SLC35E3: variants seen among roughly 807,000 people sequenced by gnomAD.
The protein encoded by SLC35E3 is solute carrier family 35 member E3, also known as bladder cancer-overexpressed gene 1 protein.
SLC35E3 carries 28 observed loss-of-function variants against 30.8 expected under a neutral mutation model. That is an observed-to-expected ratio of 0.91 (90% CI 0.67 to 1.25). SLC35E3 has a LOEUF of 1.25. Ranked by LOEUF, SLC35E3 falls within the 50% of genes most tolerant of loss-of-function variation. The pLI is 0.00. For missense variants in SLC35E3, 365 were observed against 375.4 expected, an observed-to-expected ratio of 0.97 and a Z score of 0.23; for synonymous variants, 146 against 149.2, an observed-to-expected ratio of 0.98 and a Z score of 0.16.
chr12:68,751,358 C>T (rs969859273), intron 2 of SLC35E3, among the ~76,000 whole-genome samples: 18 of 150,282 alleles, frequency 1.2e-4, no homozygotes, highest in Admixed American at 6.0e-4. Context: ...AGTGCAGTGG[C>T]GCGATCTCAG....
In SLC35E3 at chr12:68,752,188, T is replaced by G; in HGVS notation, c.670T>G (p.Leu224Val). ...ATTTGGTCCCTGGTCAGTTTCTGCT[T>G]TGGTAAGTTCTAATTGTTTTGATAT... ...GIFGPWSVSA[L>V]LMVLLSGVIA... The change falls in exon 3 of 5, where the codon TTG becomes GTG. Residue 224 changes from leucine (L) to valine (V), a missense_variant and splice_region_variant. Transcript: ENST00000398004. The G allele has an allele frequency of 6.2e-7, 1 of 1,605,574 alleles. No homozygotes were observed. Among genetic ancestry groups the G allele is most frequent in the South Asian group, 1.1e-5 (1 of 89,252 alleles).
intron 4 of SLC35E3, among the ~76,000 whole-genome samples, chr12:68,759,761 A>T (rs187607352): frequency 6.6e-6 from 1 of 152,168 alleles, no homozygotes; most frequent in Admixed American, 6.6e-5. Context: ...TGTGTCATGA[A>T]TGTTTCTGAA....
At chr12:68,755,834 C>T (rs898801137) in intron 3 of SLC35E3, among the ~76,000 whole-genome samples, 6 of 152,196 alleles carry the variant, frequency 3.9e-5, no homozygotes, top group Non-Finnish European at 8.8e-5. Context: ...ACCCAAACAC[C>T]TTCTACTAGG....
In SLC35E3 at chr12:68,772,418, A is replaced by T. The variant is rs1879626185; in HGVS notation, c.*7528A>T. The T allele has an allele frequency of 6.6e-6, 1 of 152,154 alleles. No homozygotes were observed. The highest frequency in any genetic ancestry group is 6.6e-5 in the Admixed American group (1 of 15,258). The allele number at this position is 152,154 out of a possible 1,614,324, so 9.4% of individuals were successfully genotyped here. Reference sequence around the variant, plus strand: ...ATACCATTTTTATAACTTATATGAGACGCATTTAATGTAATCATATTACTT... The same window carrying T: ...ATACCATTTTTATAACTTATATGAGTCGCATTTAATGTAATCATATTACTT... On this transcript the variant is annotated 3_prime_UTR_variant, in exon 5 of 5. Transcript: ENST00000398004.
intron 3 of SLC35E3, among the ~76,000 whole-genome samples, chr12:68,752,606 C>T (rs1482027077): frequency 6.6e-6 from 1 of 152,206 alleles, no homozygotes; most frequent in African/African-American, 2.4e-5. Context: ...CACAGTGGCT[C>T]ACTCCTGTAA....
chr12:68,766,841 T>C lies in SLC35E3; in HGVS notation c.*1951T>C, dbSNP rs1365392649. On this transcript the variant is annotated 3_prime_UTR_variant, in exon 5 of 5. Transcript: ENST00000398004. ...CTCAAGCCATCTGTCTGCCTCAGCC[T>C]CTCGAAGTGCTGGGATTACAGGCCT... 1 of 438,844 alleles carries C rather than the reference T, an allele frequency of 2.3e-6. No individual in the cohort carries two copies. The highest frequency in any genetic ancestry group is 4.6e-6 in the Non-Finnish European group (1 of 218,766). The allele number at this position is 438,844 out of a possible 1,614,324, so 27.2% of individuals were successfully genotyped here.
In SLC35E3 at chr12:68,764,718, G is replaced by A. The variant is rs757836070; in HGVS notation, c.770G>A (p.Gly257Glu). The A allele has an allele frequency of 5.6e-6, 9 of 1,613,544 alleles. No homozygotes were observed. The highest frequency in any genetic ancestry group is 7.6e-6 in the Non-Finnish European group (9 of 1,179,748). ...AAAAACCTCAGCTATAACATGTTCGGACACTTCAAGTTCTGCATTACTTTA... is the reference window on the plus strand; with the variant it reads ...AAAAACCTCAGCTATAACATGTTCGAACACTTCAAGTTCTGCATTACTTTA... ...NTSPVTYNMF[G>E]HFKFCITLFG... is the part of the protein sequence containing the mutation. The change falls in exon 5 of 5, where the codon GGA (glycine) becomes GAA (glutamate). Residue 257 changes from glycine to glutamate, a missense_variant. Transcript: ENST00000398004.
At position 68,767,852 on chromosome 12, in the gene SLC35E3, C is replaced by T. The variant is rs1036176149; in HGVS notation, c.*2962C>T. The T allele has an allele frequency of 5.3e-5, 8 of 152,110 alleles. No homozygotes were observed. Among genetic ancestry groups the T allele is most frequent in the Admixed American group, 1.3e-4 (2 of 15,270 alleles). The allele number at this position is 152,110 out of a possible 1,614,324, so 9.4% of individuals were successfully genotyped here. ...CAATTAGTTTTTACCAGATAAGCCTCGGGTATTATGTTTGTCTAAGAAACA... is the reference window on the plus strand; with the variant it reads ...CAATTAGTTTTTACCAGATAAGCCTTGGGTATTATGTTTGTCTAAGAAACA... On this transcript the variant is annotated 3_prime_UTR_variant, in exon 5 of 5. Transcript: ENST00000398004.
chr12:68,751,721 C>T (rs1029240137), intron 2 of SLC35E3, among the ~76,000 whole-genome samples: 1 of 152,054 alleles, frequency 6.6e-6, no homozygotes, highest in Non-Finnish European at 1.5e-5. Context: ...CCTTGTAGGC[C>T]CTTATATGCA....
At chr12:68,756,991 G>A (rs1490019567) in intron 3 of SLC35E3, among the ~76,000 whole-genome samples, 2 of 152,190 alleles carry the variant, frequency 1.3e-5, no homozygotes, top group Non-Finnish European at 2.9e-5. Context: ...CTCCAGCCTG[G>A]GCGACAGAGT....
In SLC35E3 at chr12:68,772,619, T is replaced by G. The variant is rs951314448; in HGVS notation, c.*7729T>G. 6.6e-6 allele frequency: 1 copy of G among 152,210 alleles called. No individual in the cohort carries two copies. The highest frequency in any genetic ancestry group is 1.5e-5 in the Non-Finnish European group (1 of 68,042). The allele number at this position is 152,210 out of a possible 1,614,324, so 9.4% of individuals were successfully genotyped here. ...CAGCATATCACTCAAACTATAGTAA[T>G]TCACATTTTTCCATTTAACTAAAAA... On this transcript the variant is annotated 3_prime_UTR_variant, in exon 5 of 5. Coordinates refer to ENST00000398004, the MANE Select transcript of SLC35E3 (RefSeq NM_018656.5).
intron 4 of SLC35E3, among the ~76,000 whole-genome samples, chr12:68,763,514 C>T (rs1259948216): frequency 4.6e-5 from 7 of 151,918 alleles, no homozygotes; most frequent in African/African-American, 1.5e-4. Flanking sequence ...CTCAGCCTCC[C>T]GAGTAGCCGG....
At chr12:68,754,465 T>C (rs1204443271) in intron 3 of SLC35E3, among the ~76,000 whole-genome samples, 1 of 151,948 alleles carries the variant, frequency 6.6e-6, no homozygotes, top group African/African-American at 2.4e-5. Context: ...TTTGTATTTT[T>C]GATAGAGACA....
chr12:68,746,199 C>T lies in SLC35E3; in HGVS notation c.-179C>T, dbSNP rs547488280. ...GCGTCCTAGCTGGCTTACAGGGCGG[C>T]GGCGGGGTGTGTGTCCTCTGTTAAG... On this transcript the variant is annotated 5_prime_UTR_variant, in exon 1 of 5. Coordinates refer to ENST00000398004, the MANE Select transcript of SLC35E3 (RefSeq NM_018656.5). 1,827 of 520,448 alleles carry T rather than the reference C, an allele frequency of 3.5e-3. 18 individuals carry two copies. Among genetic ancestry groups the T allele is most frequent in the Non-Finnish European group, 3.3e-3 (989 of 301,932 alleles). 32.2% of individuals were successfully genotyped at this position (520,448 alleles called of 1,614,324 possible).
At chr12:68,750,119 G>A (rs939776937) in intron 2 of SLC35E3, among the ~76,000 whole-genome samples, 1 of 152,124 alleles carries the variant, frequency 6.6e-6, no homozygotes, top group African/African-American at 2.4e-5. Flanking sequence ...GCGTTTTGGG[G>A]AACATAGGAG....
At chr12:68,754,970 A>G (rs1878949439) in intron 3 of SLC35E3, among the ~76,000 whole-genome samples, 1 of 152,188 alleles carries the variant, frequency 6.6e-6, no homozygotes, top group African/African-American at 2.4e-5. Context: ...GGCTTAAACA[A>G]CAAATACTCA....
At position 68,770,341 on chromosome 12, in the gene SLC35E3, A is replaced by G. The variant is rs954458493; in HGVS notation, c.*5451A>G. 6.6e-6 allele frequency: 1 copy of G among 152,328 alleles called. No homozygotes were observed. The highest frequency in any genetic ancestry group is 6.5e-5 in the Admixed American group (1 of 15,282). 9.4% of individuals were successfully genotyped at this position (152,328 alleles called of 1,614,324 possible). ...GGGGGAGTGTTGTGAGCACTGTCAC[A>G]GTAAATTTCTTTTTTTGAAATTAGT... is the stretch of plus-strand genomic sequence containing the variant. On this transcript the variant is annotated 3_prime_UTR_variant, in exon 5 of 5. Coordinates refer to ENST00000398004, the MANE Select transcript of SLC35E3 (RefSeq NM_018656.5).
Position 68,773,956 on chromosome 12 carries a change from T to C in SLC35E3, c.*9066T>C, listed in dbSNP as rs563945138. The C allele has an allele frequency of 6.6e-6, 1 of 152,206 alleles. No individual in the cohort carries two copies. Among genetic ancestry groups the C allele is most frequent in the Non-Finnish European group, 1.5e-5 (1 of 68,046 alleles). The allele number at this position is 152,206 out of a possible 1,614,324, so 9.4% of individuals were successfully genotyped here. A position where few individuals can be genotyped will look rare whatever the true frequency, so the allele number is the denominator to read the frequency against. ...GTTGCCTTGTAGAGGGATGATCATA[T>C]GACATTTCACCAATGGCACATAATT... is the stretch of plus-strand genomic sequence containing the variant. On this transcript the variant is annotated 3_prime_UTR_variant, in exon 5 of 5. Coordinates refer to ENST00000398004, the MANE Select transcript of SLC35E3 (RefSeq NM_018656.5).
At chr12:68,760,286 C>G (rs1415119109) in intron 4 of SLC35E3, 1 of 152,214 alleles carries the variant, frequency 6.6e-6, no homozygotes, top group Non-Finnish European at 1.5e-5. Flanking sequence ...ACTCTGCCCC[C>G]ACCCTTAGGC....
Sources: gnomAD v4.1 joint callset for allele counts (sites outside exome capture counted in the v4.1 genomes callset) on GRCh38, gnomAD v4.1.1 for gene constraint, MANE v1.5 for transcripts, NCBI Gene and HGNC (gene_info 2026-07-23, HGNC 2026-07-21) for gene names.